The following ANKRD30A variants were observed in gnomAD, a reference collection of about 807,000 sequenced individuals.
The protein encoded by ANKRD30A is ankyrin repeat domain 30A, also known as ankyrin repeat domain-containing protein 30A.
In ANKRD30A, 170 loss-of-function variants were observed where a neutral mutation model predicts 166.3. The observed-to-expected ratio is 1.02, with a 90% CI of 0.90 to 1.16. The LOEUF (loss-of-function observed/expected upper bound fraction) is 1.16, where lower values mean the gene tolerates loss of function less well. ANKRD30A is among the 50% of genes most tolerant of loss of function. ANKRD30A has a pLI of 0.00. For missense variants in ANKRD30A, 1,630 were observed against 1,518.0 expected, an observed-to-expected ratio of 1.07 and a Z score of -1.23; for synonymous variants, 564 against 508.9, an observed-to-expected ratio of 1.11 and a Z score of -1.46.
chr10:37,193,010 G>C (rs1840726451), intron 25 of ANKRD30A, 54 bp from the exon 26 acceptor site: 1 of 1,579,750 alleles, frequency 6.3e-7, no homozygotes, highest in Admixed American at 1.7e-5. Context: ...TGAATGTTCG[G>C]TAGGCTTTGT....
chr10:37,203,237 T>C (rs1841769068), intron 31 of ANKRD30A, among the ~76,000 whole-genome samples: 1 of 152,150 alleles, frequency 6.6e-6, no homozygotes, highest in African/African-American at 2.4e-5. Flanking sequence ...AAATCCTCAA[T>C]AAAATACTGG....
chr10:37,183,432 G>T (rs1840170026), intron 24 of ANKRD30A, among the ~76,000 whole-genome samples: 1 of 146,784 alleles, frequency 6.8e-6, no homozygotes, highest in Non-Finnish European at 1.5e-5. Context: ...GTTTTAAAGT[G>T]CCAAATAACA....
chr10:37,133,875 G>T, intron 4 of ANKRD30A, 41 bp from the exon 5 acceptor site: 1 of 1,606,000 alleles, frequency 6.2e-7, no homozygotes. Context: ...TATTAAATTG[G>T]TTCTGCTCAT....
intron 31 of ANKRD30A, among the ~76,000 whole-genome samples, chr10:37,208,051 A>G (rs1842083892): frequency 6.6e-6 from 1 of 152,072 alleles, no homozygotes; most frequent in South Asian, 2.1e-4. Flanking sequence ...AAGGAAGACA[A>G]GAGACTGCTT....
At chr10:37,198,069 C>T (rs1461435451) in intron 29 of ANKRD30A, among the ~76,000 whole-genome samples, 1 of 152,054 alleles carries the variant, frequency 6.6e-6, no homozygotes, top group East Asian at 1.9e-4. Flanking sequence ...TTGATAAACA[C>T]ACTTTTTCAT....
chr10:37,214,681 T>G (rs1354080301), intron 31 of ANKRD30A, among the ~76,000 whole-genome samples: 2 of 151,174 alleles, frequency 1.3e-5, no homozygotes, highest in Non-Finnish European at 3.0e-5. Flanking sequence ...TCTTAGTGGT[T>G]TTTTTAGGAT....
chr10:37,210,371 G>A (rs561628756), intron 31 of ANKRD30A, among the ~76,000 whole-genome samples: 20 of 152,184 alleles, frequency 1.3e-4, no homozygotes, highest in African/African-American at 4.8e-4. Flanking sequence ...TATCATTGAT[G>A]GACATTTGAG....
At chr10:37,151,804 A>G (rs17590065) in intron 11 of ANKRD30A, among the ~76,000 whole-genome samples, 2 of 152,264 alleles carry the variant, frequency 1.3e-5, no homozygotes, top group African/African-American at 4.8e-5. Flanking sequence ...TGACTGCTTT[A>G]TGAAGAAATA....
At chr10:37,147,242 A>C in intron 8 of ANKRD30A, 128 bp from the exon 9 acceptor site, 1 of 668,378 alleles carries the variant, frequency 1.5e-6, no homozygotes, top group Non-Finnish European at 2.5e-6. Context: ...CATGATTTTC[A>C]ATATGTGCCT....
chr10:37,134,712 C>A (rs1467030808), intron 5 of ANKRD30A, among the ~76,000 whole-genome samples: 1 of 152,242 alleles, frequency 6.6e-6, no homozygotes, highest in Non-Finnish European at 1.5e-5. Context: ...ATTGACCCTG[C>A]TCCTCCACTC....
At chr10:37,192,019 T>C (rs1840622882) in intron 25 of ANKRD30A, among the ~76,000 whole-genome samples, 1 of 152,004 alleles carries the variant, frequency 6.6e-6, no homozygotes, top group Non-Finnish European at 1.5e-5. Context: ...ACTTCTAGTT[T>C]TTGATACTTT....
chr10:37,263,093 T>G, the ANKRD30A span, among the ~76,000 whole-genome samples: 1 of 152,180 alleles, frequency 6.6e-6, no homozygotes, highest in Non-Finnish European at 1.5e-5. Context: ...AGTCTCTTAT[T>G]TTAGACATTT....
intron 25 of ANKRD30A, 27 bp from the exon 26 acceptor site, chr10:37,193,037 A>C (rs778347532): frequency 1.2e-6 from 2 of 1,605,308 alleles, no homozygotes; most frequent in South Asian, 1.1e-5. Flanking sequence ...TGCATACAAT[A>C]AATTATATAT....
In ANKRD30A at chr10:37,219,344, A is replaced by T; in HGVS notation, c.3632A>T (p.Gln1211Leu). 6.2e-7 allele frequency: 1 copy of T among 1,610,466 alleles called. No individual in the cohort carries two copies. Among genetic ancestry groups the T allele is most frequent in the South Asian group, 1.1e-5 (1 of 90,988 alleles). ...RLASAVQDHD[Q>L]IVTSRKSQEP... ...GCTTCTGCTGTACAAGACCATGATC[A>T]AATTGTGACATCAAGAAAAAGTCAA... The change falls in exon 34 of 36, where the codon CAA becomes CTA. Residue 1211 changes from glutamine to leucine, a missense_variant. Gln to Leu is a moderately radical substitution (Grantham distance 113, BLOSUM62 -2). This residue lies in a region of ANKRD30A where 712 missense variants were observed against 629.3 expected (regional missense o/e 1.13). Transcript: ENST00000361713.
downstream of ANKRD30A, among the ~76,000 whole-genome samples, chr10:37,236,171 A>G (rs1019877570): frequency 2.0e-5 from 3 of 152,150 alleles, no homozygotes; most frequent in African/African-American, 7.2e-5. Context: ...TACAAGTATT[A>G]TGTAGCCATC....
intron 31 of ANKRD30A, among the ~76,000 whole-genome samples, chr10:37,206,843 T>TAAATC (rs9299745): frequency 0.44 from 67,094 of 151,536 alleles, 15,045 homozygotes; most frequent in Non-Finnish European, 0.47. Flanking sequence ...ACTAACATGA[T>TAAATC]AAATCAGACT....
rs115980981 is a variant in ANKRD30A, at chr10:37,142,398, C to T, written c.1393+108C>T. Reference sequence around the variant, plus strand: ...GAATGACTTGAATATCTAAATAAGGCGAGCTTAGGCAACACTTTTTAATAG... The same window carrying T: ...GAATGACTTGAATATCTAAATAAGGTGAGCTTAGGCAACACTTTTTAATAG... On this transcript the variant is annotated intron_variant, in intron 7 of 35. Transcript: ENST00000361713. 2,256 of 1,021,774 alleles carry T rather than the reference C, an allele frequency of 2.2e-3. 31 individuals are homozygous for T. In the African/African-American group the frequency reaches 0.031, roughly 14 times the overall value. 63.3% of individuals were successfully genotyped at this position (1,021,774 alleles called of 1,614,324 possible). A position where few individuals can be genotyped will look rare whatever the true frequency, so the allele number is the denominator to read the frequency against.
At chr10:37,203,770 T>C (rs1346152941) in intron 31 of ANKRD30A, among the ~76,000 whole-genome samples, 1 of 152,158 alleles carries the variant, frequency 6.6e-6, no homozygotes. Context: ...CTTAAGCTGA[T>C]ATAAGCAGCA....
intron 31 of ANKRD30A, 79 bp downstream of exon 31, chr10:37,201,404 C>G: frequency 8.9e-7 from 1 of 1,127,646 alleles, no homozygotes; most frequent in Non-Finnish European, 1.2e-6. Flanking sequence ...GCTCTAATAG[C>G]TGAAGAAAAT....
Sources: allele counts gnomAD v4.1 joint callset (sites outside exome capture counted in the v4.1 genomes callset), GRCh38; gene constraint gnomAD v4.1.1; regional missense constraint gnomAD v4.1.1; transcripts MANE v1.5; gene names NCBI Gene and HGNC (gene_info 2026-07-23, HGNC 2026-07-21).